Variants in DCC observed in about 807,000 individuals in gnomAD.
The protein encoded by DCC is netrin receptor DCC.
DCC carries 58 observed loss-of-function variants against 172.5 expected under a neutral mutation model. That is an observed-to-expected ratio of 0.34 (90% confidence interval 0.27 to 0.42). The LOEUF is 0.42. DCC is among the 10% of genes least tolerant of loss of function. DCC has a pLI of 1.00. For synonymous variants in DCC, 709 were observed against 644.5 expected, an observed-to-expected ratio of 1.10 and a Z score of -1.52; for missense variants, 1,740 against 1,791.0, an observed-to-expected ratio of 0.97 and a Z score of 0.51.
intron 5 of DCC, among the ~76,000 whole-genome samples, chr18:53,043,762 A>T (rs1454681481): frequency 6.6e-6 from 1 of 151,924 alleles, no homozygotes; most frequent in Non-Finnish European, 1.5e-5. Context: ...GTATGCTTTA[A>T]CAATCTCATT....
intron 1 of DCC, among the ~76,000 whole-genome samples, chr18:52,655,887 C>T (rs2035233437): frequency 6.6e-6 from 1 of 151,204 alleles, no homozygotes; most frequent in Admixed American, 6.6e-5. Flanking sequence ...TCCTGAGATC[C>T]CTTGGATAGC....
At chr18:53,403,006 A>G (rs538270588) in intron 19 of DCC, 113 bp downstream of exon 19, 33 of 797,044 alleles carry the variant, frequency 4.1e-5, no homozygotes, top group Non-Finnish European at 7.0e-5. Flanking sequence ...CCTACATCTC[A>G]GCTGACTCCA....
At chr18:53,378,658 C>A (rs1197533049) in intron 15 of DCC, among the ~76,000 whole-genome samples, 3 of 152,164 alleles carry the variant, frequency 2.0e-5, no homozygotes, top group Non-Finnish European at 4.4e-5. Context: ...ATTTGTTAAG[C>A]ACCTTCTATC....
chr18:52,584,995 G>A (rs1386832199), intron 1 of DCC, among the ~76,000 whole-genome samples: 2 of 152,158 alleles, frequency 1.3e-5, no homozygotes, highest in African/African-American at 4.8e-5. Context: ...GAACTTCATT[G>A]GAGAGTAGGT....
At chr18:53,168,853 T>C (rs2054966784) in intron 8 of DCC, among the ~76,000 whole-genome samples, 1 of 152,030 alleles carries the variant, frequency 6.6e-6, no homozygotes, top group South Asian at 2.1e-4. Flanking sequence ...TGAAGGTCTT[T>C]GAACCTTGTT....
intron 17 of DCC, among the ~76,000 whole-genome samples, chr18:53,395,429 AC>A (rs1377426823): frequency 6.6e-6 from 1 of 152,032 alleles, no homozygotes; most frequent in African/African-American, 2.4e-5. Context: ...TTTCCCTCTT[AC>A]CTAAAATACT....
chr18:52,852,357 AG>A (rs2038988140), intron 2 of DCC, among the ~76,000 whole-genome samples: 1 of 152,174 alleles, frequency 6.6e-6, no homozygotes, highest in African/African-American at 2.4e-5. Flanking sequence ...TACTTTAAAA[AG>A]ATGAGATGAT....
chr18:53,307,900 T>C (rs2057220902), intron 13 of DCC, among the ~76,000 whole-genome samples: 1 of 2,284 alleles, frequency 4.4e-4, no homozygotes, highest in Non-Finnish European at 1.4e-3. Flanking sequence ...TGTGTATGTA[T>C]ATATATATAT....
chr18:53,524,973 A>G (rs749755037), intron 27 of DCC, among the ~76,000 whole-genome samples: 1 of 152,032 alleles, frequency 6.6e-6, no homozygotes, highest in South Asian at 2.1e-4. Context: ...TATTATAATA[A>G]GATGATTAAT....
At chr18:52,654,918 T>C (rs2144932481) in intron 1 of DCC, among the ~76,000 whole-genome samples, 1 of 152,336 alleles carries the variant, frequency 6.6e-6, no homozygotes, top group East Asian at 1.9e-4. Context: ...CAACTGCTTT[T>C]ATTGTTTATC....
intron 15 of DCC, among the ~76,000 whole-genome samples, chr18:53,372,763 A>G (rs905938905): frequency 3.8e-5 from 4 of 105,782 alleles, no homozygotes; most frequent in Non-Finnish European, 7.2e-5. Context: ...GTCTAATCCC[A>G]ATTCCACGGC....
intron 3 of DCC, among the ~76,000 whole-genome samples, chr18:52,912,030 CTAACATTGACT>C (rs1337657629): frequency 5.9e-5 from 9 of 151,988 alleles, no homozygotes; most frequent in Non-Finnish European, 1.2e-4. Context: ...ATGGATTCTG[CTAACATTGACT>C]TAACATTGAC....
chr18:53,502,401 C>T (rs1237480294), intron 27 of DCC, among the ~76,000 whole-genome samples: 1 of 152,178 alleles, frequency 6.6e-6, no homozygotes, highest in Non-Finnish European at 1.5e-5. Flanking sequence ...GCTCCTGACA[C>T]ATGGTAAATA....
At chr18:53,455,727 A>G (rs114755719) in intron 23 of DCC, among the ~76,000 whole-genome samples, 2,426 of 152,238 alleles carry the variant, frequency 0.016, 73 homozygotes, top group African/African-American at 0.055. Context: ...AAATGTATCT[A>G]TTTGGGCCAA....
At chr18:53,386,197 A>G in intron 16 of DCC, 59 bp downstream of exon 16, 1 of 1,114,958 alleles carries the variant, frequency 9.0e-7, no homozygotes, top group Non-Finnish European at 1.4e-6. Flanking sequence ...GTGAAAAAAG[A>G]AAAACTAAAA....
intron 2 of DCC, among the ~76,000 whole-genome samples, chr18:52,813,224 T>A (rs1023741979): frequency 1.1e-5 from 1 of 87,868 alleles, no homozygotes; most frequent in Non-Finnish European, 2.4e-5. Context: ...CTCTAATCTT[T>A]GTGGTGGTTG....
intron 2 of DCC, among the ~76,000 whole-genome samples, chr18:52,763,369 A>C (rs2037192807): frequency 6.6e-6 from 1 of 152,234 alleles, no homozygotes; most frequent in African/African-American, 2.4e-5. Flanking sequence ...AAAGGCTGAA[A>C]CATGACATAA....
intron 1 of DCC, among the ~76,000 whole-genome samples, chr18:52,447,540 C>G (rs1304518961): frequency 1.3e-5 from 2 of 152,158 alleles, no homozygotes; most frequent in Non-Finnish European, 2.9e-5. Context: ...ATAGGCTGCT[C>G]AACTTCACCA....
At chr18:52,394,450 T>TTG (rs34057325) in intron 1 of DCC, among the ~76,000 whole-genome samples, 14,399 of 151,824 alleles carry the variant, frequency 0.095, 867 homozygotes, top group South Asian at 0.16. Context: ...AAGTGGTTTT[T>TTG]TTTTTTGTAG....
Sources: gnomAD v4.1 joint callset for allele counts (sites outside exome capture counted in the v4.1 genomes callset) on GRCh38, gnomAD v4.1.1 for gene constraint, MANE v1.5 for transcripts, NCBI Gene and HGNC (gene_info 2026-07-23, HGNC 2026-07-21) for gene names.